LMNB2: variants seen among roughly 807,000 people sequenced by gnomAD.
The protein encoded by LMNB2 is lamin B2.
A neutral mutation model predicts 69.3 loss-of-function variants in LMNB2; 17 were observed. That is an observed-to-expected ratio of 0.25 (90% CI 0.17 to 0.37). LMNB2 has a LOEUF of 0.37. Among genes scored for constraint, LMNB2 ranks in the 10% least tolerant of loss-of-function variants. LMNB2 has a pLI of 1.00. For missense variants in LMNB2, 789 were observed against 883.6 expected (o/e 0.89, Z 1.36); for synonymous variants, 397 against 389.3 (o/e 1.02, Z -0.23).
rs147207457 is a variant in LMNB2 at position 2,456,736 on chromosome 19, C to T, written c.198G>A (p.Ala66=). The part of the protein sequence containing the change: ...RLAHYIDRVR[A]LELENDRLLL... ...GGAGCCGGTCGTTCTCCAGCTCCAG[C>T]GCGCGGACGCGGTCGATGTAGTGCG... The change falls in exon 1 of 12, where the codon GCG becomes GCA. Residue 66 remains alanine (A), a synonymous_variant. Transcript: ENST00000325327. 1.9e-6 allele frequency: 3 copies of T among 1,564,810 alleles called. No homozygotes were observed. The African/African-American group carries it at 4.2e-5, about 22-fold the overall frequency.
chr19:2,454,124 C>G (rs898986107), intron 1 of LMNB2, among the ~76,000 whole-genome samples: 2 of 152,096 alleles, frequency 1.3e-5, no homozygotes, highest in African/African-American at 4.8e-5. Context: ...CAAACTCTGT[C>G]TCTACTAAAA....
intron 1 of LMNB2, among the ~76,000 whole-genome samples, chr19:2,445,603 G>T (rs1313519633): frequency 1.3e-5 from 1 of 77,896 alleles, no homozygotes; most frequent in Non-Finnish European, 2.4e-5. Flanking sequence ...CCCCACCAGC[G>T]GCCCCCACCT....
chr19:2,431,845 C>G lies in LMNB2; in HGVS notation c.1648G>C (p.Gly550Arg). The G allele has an allele frequency of 6.2e-7, 1 of 1,613,504 alleles. No homozygotes were observed. Among genetic ancestry groups the G allele is most frequent in the Non-Finnish European group, 8.5e-7 (1 of 1,179,932 alleles). ...TCGCCCGTGCCCCAGCTGCTCTGGC[C>G]CTTCCACACCAGCGTCGAGGGGGGG... ...HSPPSTLVWK[G>R]QSSWGTGESF... The change falls in exon 10 of 12, where the codon GGC becomes CGC. Residue 550 changes from glycine to arginine, a missense_variant. Around this residue, in one of 3 missense-constraint regions of LMNB2, gnomAD observed 609 missense variants for 630.9 expected, o/e 0.97. Transcript: ENST00000325327.
At chr19:2,434,613 G>C in intron 6 of LMNB2, 98 bp from the exon 7 acceptor site, 25 of 1,515,646 alleles carry the variant, frequency 1.6e-5, no homozygotes, top group Non-Finnish European at 2.2e-5. Context: ...CCACAGACTG[G>C]GGCAGAGACC....
Position 2,444,443 on chromosome 19 carries a change from A to C in LMNB2, c.362T>G (p.Ile121Ser). The C allele has an allele frequency of 6.2e-7, 1 of 1,613,368 alleles. No individual in the cohort carries two copies. Among genetic ancestry groups the C allele is most frequent in the Middle Eastern group, 1.6e-4 (1 of 6,062 alleles). ...GTCCAACTCTGCCCTCAGCTTCCCA[A>C]TCTCTATCTGCAGCCGGGCACGCTC... ...ARERARLQIE[I>S]GKLRAELDEV... is the part of the protein sequence containing the mutation. Residue 121 changes from isoleucine to serine, a missense_variant, in exon 2 of 12, where the codon ATT (isoleucine) becomes AGT (serine). Physicochemically the swap from Ile to Ser is moderately radical, Grantham distance 142 (BLOSUM62 -2). Coordinates refer to ENST00000325327, the MANE Select transcript of LMNB2 (RefSeq NM_032737.4).
chr19:2,428,820 T>TCAATGAACCTC lies in LMNB2; in HGVS notation c.*2080_*2090dup, dbSNP rs976207615. 6.6e-6 allele frequency: 1 copy of TCAATGAACCTC among 152,224 alleles called. No homozygotes were observed. Among genetic ancestry groups the TCAATGAACCTC allele is most frequent in the African/African-American group, 2.4e-5 (1 of 41,436 alleles). The allele number at this position is 152,224 out of a possible 1,614,324, so 9.4% of individuals were successfully genotyped here. ...CTTAGTGTTTCCAAAGACTCAATTCTCAATGAACCTCCAATTACCCACAGG... is the reference window on the plus strand; with the variant it reads ...CTTAGTGTTTCCAAAGACTCAATTCTCAATGAACCTCCAATGAACCTCCAATTACCCACAGG... On this transcript the variant is annotated 3_prime_UTR_variant, in exon 12 of 12. Transcript: ENST00000325327.
rs587780381 is a variant in LMNB2 at position 2,444,414 on chromosome 19, C to T, written c.391G>A (p.Val131Ile). 16 of 1,613,712 alleles carry T rather than the reference C, an allele frequency of 9.9e-6. No homozygotes were observed. Among genetic ancestry groups the T allele is most frequent in the Middle Eastern group, 1.6e-4 (1 of 6,084 alleles). Residue 131 changes from valine to isoleucine, a missense_variant, in exon 2 of 12, where the codon GTC (valine) becomes ATC (isoleucine). Val to Ile is a conservative substitution (Grantham distance 29). Around this residue, in one of 3 missense-constraint regions of LMNB2, gnomAD observed 145 missense variants for 228.9 expected, o/e 0.63. Transcript: ENST00000325327. ...IGKLRAELDE[V>I]NKSAKKREGE... ...GCCGTGACCACTCACCTCTTGTTGA[C>T]CTCGTCCAACTCTGCCCTCAGCTTC... is the stretch of plus-strand genomic sequence containing the variant.
intron 4 of LMNB2, among the ~76,000 whole-genome samples, chr19:2,437,863 G>A (rs1249910336): frequency 6.6e-6 from 1 of 152,024 alleles, no homozygotes; most frequent in East Asian, 1.9e-4. Context: ...TGGAAATGGG[G>A]TCTCTGCAGA....
intron 1 of LMNB2, among the ~76,000 whole-genome samples, chr19:2,451,156 G>A (rs1298849227): frequency 2.0e-5 from 3 of 152,092 alleles, no homozygotes; most frequent in South Asian, 2.1e-4. Flanking sequence ...CACAAGAATC[G>A]CTTCATCGCC....
rs751090526 is a variant in LMNB2, at chr19:2,435,163, C to T, written c.693G>A (p.Arg231=). 3.1e-6 allele frequency: 5 copies of T among 1,602,380 alleles called. No homozygotes were observed. The South Asian group carries it at 5.5e-5, about 18-fold the overall frequency. The change falls in exon 5 of 12, where the codon CGG becomes CGA. Residue 231 remains arginine (R), a synonymous_variant. Transcript: ENST00000325327. ...GCCGCTCGTGCCGCCGCCGCGTCTCCCGCACCTCCTGCGGACCAAGGCTTC... is the reference window on the plus strand; with the variant it reads ...GCCGCTCGTGCCGCCGCCGCGTCTCTCGCACCTCCTGCGGACCAAGGCTTC... ...FRKSVFEEEV[R]ETRRRHERRL...
chr19:2,441,875 A>G (rs1348629338), intron 2 of LMNB2, among the ~76,000 whole-genome samples: 1 of 152,230 alleles, frequency 6.6e-6, no homozygotes, highest in African/African-American at 2.4e-5. Flanking sequence ...GTGAGGTGGA[A>G]GAGGCAGGCT....
chr19:2,445,261 C>T (rs1015315241), intron 1 of LMNB2, among the ~76,000 whole-genome samples: 1 of 151,732 alleles, frequency 6.6e-6, no homozygotes, highest in East Asian at 1.9e-4. Context: ...AGCCCCCGCT[C>T]CCCCAGACCC....
At chr19:2,431,451 G>A (rs1054685898) in intron 11 of LMNB2, 97 bp downstream of exon 11, 24 of 1,523,128 alleles carry the variant, frequency 1.6e-5, no homozygotes, top group Middle Eastern at 1.7e-4. Context: ...TGGAGCTCCC[G>A]TCGGGGATGC....
chr19:2,456,260 CA>C (rs1330147787), intron 1 of LMNB2, among the ~76,000 whole-genome samples: 2 of 149,948 alleles, frequency 1.3e-5, no homozygotes, highest in Admixed American at 1.3e-4. Context: ...CCTAGCCGAG[CA>C]GCACCCCTCA....
At chr19:2,437,816 A>G (rs1971845996) in intron 4 of LMNB2, among the ~76,000 whole-genome samples, 1 of 152,076 alleles carries the variant, frequency 6.6e-6, no homozygotes, top group African/African-American at 2.4e-5. Flanking sequence ...AGACGTGCCC[A>G]CATCCCGATC....
chr19:2,451,543 G>A (rs115076729), intron 1 of LMNB2, among the ~76,000 whole-genome samples: 2,964 of 152,320 alleles, frequency 0.019, 112 homozygotes, highest in African/African-American at 0.067. Flanking sequence ...CCTGCGGAAC[G>A]GGTGTGCCGG....
Position 2,432,451 on chromosome 19 carries a change from G to A in LMNB2, c.1555C>T (p.Pro519Ser). The change falls in exon 9 of 12, where the codon CCC becomes TCC. Residue 519 changes from proline (P) to serine (S), a missense_variant. Pro to Ser is a moderately conservative substitution (Grantham distance 74). This residue lies in a region of LMNB2 where 609 missense variants were observed against 630.9 expected (regional missense o/e 0.97). Coordinates refer to ENST00000325327, the MANE Select transcript of LMNB2 (RefSeq NM_032737.4). Reference sequence around the variant, plus strand: ...TGGCCGGCGCGCAGGATGTACTTGGGCGTGAACTTGTAGGCGATCTCCTCC... The same window carrying A: ...TGGCCGGCGCGCAGGATGTACTTGGACGTGAACTTGTAGGCGATCTCCTCC... ...EGEEIAYKFTPKYILRAGQMV... is the reference protein window; with the variant it reads ...EGEEIAYKFTSKYILRAGQMV... The A allele has an allele frequency of 6.2e-7, 1 of 1,613,694 alleles. No homozygotes were observed.
rs184618039 is a variant in LMNB2, at chr19:2,447,347, T to G, written c.265-2807A>C. 1.8e-3 allele frequency among the ~76,000 whole-genome samples: 280 copies of G among 152,104 alleles called. No individual in the cohort carries two copies. Among genetic ancestry groups the G allele is most frequent in the African/African-American group, 6.5e-3 (269 of 41,474 alleles). On this transcript the variant is annotated intron_variant, in intron 1 of 11. Transcript: ENST00000325327. The surrounding 1 kb of genome is among the most constrained non-coding windows in gnomAD (Gnocchi z 4.4). ...AACGCCACACAGTGTGTAATCCCAT[T>G]TCCATGAAATGTCCAGGTCAGGCCA...
chr19:2,444,876 C>A (rs984824330), intron 1 of LMNB2, among the ~76,000 whole-genome samples: 1 of 152,216 alleles, frequency 6.6e-6, no homozygotes, highest in Non-Finnish European at 1.5e-5. Flanking sequence ...GTGCTGGAGA[C>A]CAAAGGCCCT....
Sources: allele counts gnomAD v4.1 joint callset (sites outside exome capture counted in the v4.1 genomes callset), GRCh38; gene constraint gnomAD v4.1.1; regional missense constraint gnomAD v4.1.1; non-coding constraint Gnocchi (gnomAD v3.1); transcripts MANE v1.5; gene names NCBI Gene and HGNC (gene_info 2026-07-23, HGNC 2026-07-21).